Variants in NSF observed in about 807,000 individuals in gnomAD.
NSF encodes vesicle-fusing ATPase.
Under a neutral mutation model 50.3 loss-of-function variants are expected in NSF, and 14 were observed. That is an observed-to-expected ratio of 0.28 (90% CI 0.18 to 0.44). NSF has a LOEUF of 0.44. Among genes scored for constraint, NSF ranks in the 20% least tolerant of loss-of-function variants. The pLI is 1.00. For missense variants in NSF, 218 were observed against 504.3 expected, an observed-to-expected ratio of 0.43 and a Z score of 5.44; for synonymous variants, 109 against 175.7, an observed-to-expected ratio of 0.62 and a Z score of 3.00.
rs567699958 is a variant in NSF at position 46,756,927 on chromosome 17, C to G, written c.*1104C>G. ...GTCCTTTTGAGGGTGATTTGTCTTACAACTGACTGACTTAGCAGGAATTTA... is the reference window on the plus strand; with the variant it reads ...GTCCTTTTGAGGGTGATTTGTCTTAGAACTGACTGACTTAGCAGGAATTTA... On this transcript the variant is annotated 3_prime_UTR_variant, in exon 21 of 21. Coordinates refer to ENST00000398238, the MANE Select transcript of NSF (RefSeq NM_006178.4). 245 of 152,684 alleles carry G rather than the reference C, an allele frequency of 1.6e-3. No individual in the cohort carries two copies. The highest frequency in any genetic ancestry group is 3.4e-3 in the Middle Eastern group (1 of 294). 9.5% of individuals were successfully genotyped at this position (152,684 alleles called of 1,614,324 possible).
chr17:46,691,927 A>G (rs1218022509), intron 9 of NSF, among the ~76,000 whole-genome samples: 1 of 150,804 alleles, frequency 6.6e-6, no homozygotes, highest in East Asian at 2.0e-4. Context: ...TAATTTTTGT[A>G]TTTTTAGTAG....
intron 8 of NSF, among the ~76,000 whole-genome samples, chr17:46,657,227 A>G (rs1157926347): frequency 9.9e-6 from 1 of 100,844 alleles, no homozygotes; most frequent in Non-Finnish European, 2.2e-5. Flanking sequence ...TGCTGAATCA[A>G]AAAGGATTCA....
At chr17:46,741,428 G>A (rs1006293272) in intron 17 of NSF, among the ~76,000 whole-genome samples, 1 of 151,936 alleles carries the variant, frequency 6.6e-6, no homozygotes, top group Non-Finnish European at 1.5e-5. Context: ...ATTGTCTTCT[G>A]TCCTGCTTGC....
chr17:46,622,471 T>G (rs2058075794), intron 1 of NSF, among the ~76,000 whole-genome samples: 2 of 149,140 alleles, frequency 1.3e-5, no homozygotes, highest in Admixed American at 1.3e-4. Context: ...CAAATTAAAA[T>G]AAATAAATAA....
intron 13 of NSF, among the ~76,000 whole-genome samples, chr17:46,710,653 T>C (rs1034525937): frequency 6.6e-6 from 1 of 152,202 alleles, no homozygotes; most frequent in Non-Finnish European, 1.5e-5. Context: ...TCAAACTGCA[T>C]ACTGTTGATA....
chr17:46,710,875 TTA>T, intron 13 of NSF, 86 bp from the exon 14 acceptor site: 1 of 1,174,328 alleles, frequency 8.5e-7, no homozygotes, highest in Non-Finnish European at 1.2e-6. Flanking sequence ...ATCAATACCT[TTA>T]GCATGTACGG....
chr17:46,610,003 TTC>T (rs757093517), intron 1 of NSF, among the ~76,000 whole-genome samples: 2 of 114,356 alleles, frequency 1.7e-5, no homozygotes, highest in African/African-American at 6.8e-5. Context: ...TTTTCTTTCT[TTC>T]TCTCTTTCTT....
chr17:46,751,048 A>G (rs1439113968), intron 18 of NSF, among the ~76,000 whole-genome samples: 1 of 152,210 alleles, frequency 6.6e-6, no homozygotes, highest in Non-Finnish European at 1.5e-5. Flanking sequence ...TGGAGTCAGT[A>G]AAGCTTCTTA....
intron 17 of NSF, among the ~76,000 whole-genome samples, chr17:46,739,361 ACT>A (rs2059043869): frequency 1.0e-5 from 1 of 98,952 alleles, no homozygotes; most frequent in Non-Finnish European, 1.8e-5. Context: ...ACAGAGCGAG[ACT>A]CTGTCTCAAA....
chr17:46,708,747 G>A (rs2058683664), intron 13 of NSF, among the ~76,000 whole-genome samples: 1 of 145,874 alleles, frequency 6.9e-6, no homozygotes, highest in East Asian at 2.0e-4. Flanking sequence ...ACCTACCTCA[G>A]CCTCCCAGTG....
intron 17 of NSF, among the ~76,000 whole-genome samples, chr17:46,742,678 G>T (rs1488038994): frequency 6.6e-6 from 1 of 152,198 alleles, no homozygotes; most frequent in African/African-American, 2.4e-5. Flanking sequence ...GGCCTGTGTG[G>T]CTATGGAAGG....
chr17:46,663,121 TTTAA>T (rs2058319539), intron 8 of NSF, among the ~76,000 whole-genome samples: 1 of 86,894 alleles, frequency 1.2e-5, no homozygotes, highest in Non-Finnish European at 2.5e-5. Context: ...CAGCTTATGA[TTTAA>T]TTGAGGCTAT....
At chr17:46,615,624 G>A (rs1293301942) in intron 1 of NSF, among the ~76,000 whole-genome samples, 1 of 21,524 alleles carries the variant, frequency 4.6e-5, no homozygotes, top group East Asian at 1.7e-3. Context: ...GACTGAGGTG[G>A]GAAGATGGCT....
intron 13 of NSF, 59 bp downstream of exon 13, chr17:46,704,913 C>T (rs62074084): frequency 1.4e-5 from 22 of 1,533,408 alleles, no homozygotes; most frequent in African/African-American, 1.1e-4. Flanking sequence ...ATAACTCAGG[C>T]GAAAAGTAAG....
intron 1 of NSF, among the ~76,000 whole-genome samples, chr17:46,613,104 C>CA (rs143175659): frequency 0.067 from 2,215 of 33,004 alleles, 65 homozygotes; most frequent in Middle Eastern, 0.2. Context: ...CTTGTTTCTA[C>CA]AAAAAAAAAA....
intron 1 of NSF, among the ~76,000 whole-genome samples, chr17:46,621,326 G>A (rs2146132222): frequency 7.3e-6 from 1 of 137,532 alleles, no homozygotes; most frequent in East Asian, 2.1e-4. Flanking sequence ...TCGCTCTGTT[G>A]CCCAGACTGG....
At chr17:46,721,722 C>T in intron 15 of NSF, 1 of 1,606,608 alleles carries the variant, frequency 6.2e-7, no homozygotes, top group Non-Finnish European at 8.5e-7. Flanking sequence ...CGGCTGCTAT[C>T]TAGTTTGACG....
intron 16 of NSF, among the ~76,000 whole-genome samples, chr17:46,726,877 C>T (rs1158918226): frequency 6.6e-6 from 1 of 151,988 alleles, no homozygotes; most frequent in Non-Finnish European, 1.5e-5. Flanking sequence ...TCCAGTGTGC[C>T]CTTGCCATAG....
chr17:46,743,080 A>G (rs2059093184), intron 17 of NSF, among the ~76,000 whole-genome samples: 1 of 152,062 alleles, frequency 6.6e-6, no homozygotes, highest in Non-Finnish European at 1.5e-5. Context: ...CCCCACTGCC[A>G]TGACTCCTTC....
Sources: gnomAD v4.1 joint callset for allele counts (sites outside exome capture counted in the v4.1 genomes callset) on GRCh38, gnomAD v4.1.1 for gene constraint, MANE v1.5 for transcripts, NCBI Gene and HGNC (gene_info 2026-07-23, HGNC 2026-07-21) for gene names.